The following CYP2A13 variants were observed in gnomAD, a reference collection of about 807,000 sequenced individuals.
The protein encoded by CYP2A13 is cytochrome P450 2A13.
Under a neutral mutation model 39.4 loss-of-function variants are expected in CYP2A13, and 30 were observed. That is an observed-to-expected ratio of 0.76 (90% CI 0.57 to 1.03). CYP2A13 has a LOEUF of 1.03. CYP2A13 is among the 50% of genes least tolerant of loss of function. The pLI, the probability that CYP2A13 is intolerant of heterozygous loss-of-function variation, is 0.00. For missense variants in CYP2A13, 731 were observed against 648.4 expected, an observed-to-expected ratio of 1.13 and a Z score of -1.38; for synonymous variants, 269 against 254.7, an observed-to-expected ratio of 1.06 and a Z score of -0.54.
intron 4 of CYP2A13, 151 bp downstream of exon 4, chr19:41,090,715 G>C: frequency 1.0e-5 from 13 of 1,266,608 alleles, no homozygotes; most frequent in Non-Finnish European, 1.4e-5. Context: ...GGTTGCACCA[G>C]AACCCAGGAG....
In CYP2A13 at chr19:41,090,155, A is replaced by T. The variant is rs1478640955; in HGVS notation, c.452A>T (p.Glu151Val). 2 of 1,596,072 alleles carry T rather than the reference A, an allele frequency of 1.3e-6. No individual in the cohort carries two copies. Among genetic ancestry groups the T allele is most frequent in the Admixed American group, 3.4e-5 (2 of 58,092 alleles). ...CGCGGCATCGAGGAACGCATCCAGG[A>T]GGAGGCGGGCTTCCTCATCGACGCC... ...GKRGIEERIQ[E>V]EAGFLIDALR... Residue 151 changes from glutamate to valine, a missense_variant, in exon 3 of 9, where the codon GAG becomes GTG. Transcript: ENST00000330436.
chr19:41,093,701 G>A lies in CYP2A13; in HGVS notation c.903G>A (p.Ala301=), dbSNP rs150813195. 30 of 1,613,928 alleles carry A rather than the reference G, an allele frequency of 1.9e-5. No homozygotes were observed. Among genetic ancestry groups the A allele is most frequent in the African/African-American group, 9.4e-5 (7 of 74,866 alleles). The change falls in exon 6 of 9, where the codon GCG becomes GCA. Residue 301 remains alanine (A), a synonymous_variant. Coordinates refer to ENST00000330436, the MANE Select transcript of CYP2A13 (RefSeq NM_000766.5). ...TGACCACCCTGAACCTCTTCTTTGC[G>A]GGCACTGAGACCGTGAGCACCACCC... The part of the protein sequence containing the change: ...LVMTTLNLFF[A]GTETVSTTLR...
chr19:41,093,579 G>A, intron 5 of CYP2A13, 51 bp from the exon 6 acceptor site: 2 of 1,610,816 alleles, frequency 1.2e-6, no homozygotes, highest in Non-Finnish European at 1.7e-6. Flanking sequence ...CCCTAGAAGG[G>A]CCCCAAGAGC....
intron 6 of CYP2A13, 104 bp from the exon 7 acceptor site, chr19:41,094,141 G>C: frequency 1.3e-6 from 2 of 1,508,956 alleles, no homozygotes; most frequent in Non-Finnish European, 1.8e-6. Context: ...GTCTACCTCC[G>C]TGTCATAGGT....
At chr19:41,089,439 T>G (rs2031119143) in intron 2 of CYP2A13, among the ~76,000 whole-genome samples, 1 of 152,118 alleles carries the variant, frequency 6.6e-6, no homozygotes, top group Admixed American at 6.5e-5. Flanking sequence ...GCTTCTGTGC[T>G]TCTCCGTGTT....
intron 2 of CYP2A13, 130 bp from the exon 3 acceptor site, chr19:41,089,917 C>A (rs2031142750): frequency 8.6e-7 from 1 of 1,166,890 alleles, no homozygotes; most frequent in Non-Finnish European, 1.2e-6. Flanking sequence ...CTCCTGGGCA[C>A]TCGCGCTGAA....
intron 6 of CYP2A13, 93 bp downstream of exon 6, chr19:41,093,864 A>C: frequency 6.9e-7 from 1 of 1,457,368 alleles, no homozygotes; most frequent in South Asian, 1.3e-5. Context: ...AGATCCCAGG[A>C]CCCTGAGACG....
chr19:41,089,087 C>T lies in CYP2A13; in HGVS notation c.339C>T (p.Gly113=), dbSNP rs2031108757. The T allele has an allele frequency of 6.2e-7, 1 of 1,612,152 alleles. No individual in the cohort carries two copies. The highest frequency in any genetic ancestry group is 1.7e-5 in the Admixed American group (1 of 59,978). ...EQATFDWLFK[G]YGVAFSNGER... ...CCACCTTCGACTGGCTCTTCAAAGGCTATGGTGAGGGGGTGCCCAAGAGGG... is the reference window on the plus strand; with the variant it reads ...CCACCTTCGACTGGCTCTTCAAAGGTTATGGTGAGGGGGTGCCCAAGAGGG... Residue 113 remains glycine (G), a synonymous_variant, in exon 2 of 9, where the codon GGC becomes GGT. Coordinates refer to ENST00000330436, the MANE Select transcript of CYP2A13 (RefSeq NM_000766.5).
In CYP2A13 at chr19:41,096,038, C is replaced by G; in HGVS notation, c.*97C>G. 2.0e-5 allele frequency: 24 copies of G among 1,176,234 alleles called. No homozygotes were observed. Among genetic ancestry groups the G allele is most frequent in the South Asian group, 6.2e-5 (4 of 65,016 alleles). 72.9% of individuals were successfully genotyped at this position (1,176,234 alleles called of 1,614,324 possible). A position where few individuals can be genotyped will look rare whatever the true frequency, so the allele number is the denominator to read the frequency against. ...GGAGGGGCGGGGCTAAGAATGGGGG[C>G]AGTGGGGGAAGGAAGGGGAGAGGTG... On this transcript the variant is annotated 3_prime_UTR_variant, in exon 9 of 9. Coordinates refer to ENST00000330436, the MANE Select transcript of CYP2A13 (RefSeq NM_000766.5).
Position 41,088,919 on chromosome 19 carries a change from C to G in CYP2A13, c.181-10C>G. On this transcript the variant is annotated splice_polypyrimidine_tract_variant and intron_variant, in intron 1 of 8. Coordinates refer to ENST00000330436, the MANE Select transcript of CYP2A13 (RefSeq NM_000766.5). ...TGCTCCCTCTAACCACTCCCACCTG[C>G]CTCCAACAGATCAGTGAGCGCTATG... The G allele has an allele frequency of 6.2e-7, 1 of 1,613,882 alleles. No homozygotes were observed. The highest frequency in any genetic ancestry group is 8.5e-7 in the Non-Finnish European group (1 of 1,179,890).
At position 41,095,964 on chromosome 19, in the gene CYP2A13, G is replaced by T. The variant is rs771718901; in HGVS notation, c.*23G>T. On this transcript the variant is annotated 3_prime_UTR_variant, in exon 9 of 9. Transcript: ENST00000330436. ...TGAGCGAGGGCTGTGCTGGTGCAGG[G>T]CTGGTGGGCGGGGCCAGGGAAACGG... The T allele has an allele frequency of 1.9e-5, 31 of 1,613,348 alleles. 1 individual carries two copies. The highest frequency in any genetic ancestry group is 5.0e-5 in the Admixed American group (3 of 59,928).
In CYP2A13 at chr19:41,094,392, T is replaced by A; in HGVS notation, c.1121T>A (p.Val374Asp). 1 of 1,613,808 alleles carries A rather than the reference T, an allele frequency of 6.2e-7. No individual in the cohort carries two copies. The highest frequency in any genetic ancestry group is 1.1e-5 in the South Asian group (1 of 91,054). Reference sequence around the variant, plus strand: ...CTCCCCATGGGTTTGGCCCACAGGGTCAACAAGGACACCAAGTTTCGGGAT... The same window carrying A: ...CTCCCCATGGGTTTGGCCCACAGGGACAACAAGGACACCAAGTTTCGGGAT... ...DMLPMGLAHR[V>D]NKDTKFRDFF... Residue 374 changes from valine (V) to aspartate (D), a missense_variant, in exon 7 of 9, where the codon GTC becomes GAC. By Grantham distance (152) the Val-to-Asp change is radical. Transcript: ENST00000330436.
rs776521255 is a variant in CYP2A13 at position 41,093,627 on chromosome 19, CAGG to C, written c.835_837del (p.Glu279del). 4.3e-6 allele frequency: 7 copies of C among 1,614,060 alleles called. No homozygotes were observed. In the Admixed American group the frequency reaches 1.0e-4, roughly 23 times the overall value. ...CTTGGTCTAAACCGCCCTCTCCCTG[CAGG>C]AGGAGAAGAACCCCAACACAGAGTT... On this transcript the variant is annotated splice_acceptor_variant and coding_sequence_variant, in exon 6 of 9. Transcript: ENST00000330436. LOFTEE classifies it high-confidence loss of function.
chr19:41,091,601 G>A, intron 4 of CYP2A13, 131 bp from the exon 5 acceptor site: 1 of 1,394,328 alleles, frequency 7.2e-7, no homozygotes, highest in South Asian at 1.5e-5. Context: ...CAACCCCACT[G>A]AAATACCTAA....
rs66497551 is a variant in CYP2A13, at chr19:41,095,892, G to C, written c.1436G>C (p.Gly479Ala). 21 of 1,613,802 alleles carry C rather than the reference G, an allele frequency of 1.3e-5. No individual in the cohort carries two copies. The highest frequency in any genetic ancestry group is 1.8e-5 in the Non-Finnish European group (21 of 1,179,914). ...KDIDVSPKHVGFATIPRNYTM... is the reference protein window; with the variant it reads ...KDIDVSPKHVAFATIPRNYTM... ...ATCGACGTGTCCCCCAAACACGTGGGCTTTGCCACGATCCCACGAAACTAC... is the reference window on the plus strand; with the variant it reads ...ATCGACGTGTCCCCCAAACACGTGGCCTTTGCCACGATCCCACGAAACTAC... The change falls in exon 9 of 9, where the codon GGC becomes GCC. Residue 479 changes from glycine (G) to alanine (A), a missense_variant. Coordinates refer to ENST00000330436, the MANE Select transcript of CYP2A13 (RefSeq NM_000766.5).
At chr19:41,093,381 C>G (rs1356171695) in intron 5 of CYP2A13, among the ~76,000 whole-genome samples, 1 of 151,068 alleles carries the variant, frequency 6.6e-6, no homozygotes, top group Non-Finnish European at 1.5e-5. Context: ...AAAAAAAAAA[C>G]CAACTGACAG....
Position 41,094,432 on chromosome 19 carries a change from G to T in CYP2A13, c.1161G>T (p.Lys387Asn). ...AGTTTCGGGATTTCTTCCTCCCTAA[G>T]GTGCTGTCTCCCCTCCACCACCACC... is the stretch of plus-strand genomic sequence containing the variant. Reference protein sequence around the residue: ...DTKFRDFFLPKGTEVFPMLGS... With the variant: ...DTKFRDFFLPNGTEVFPMLGS... Residue 387 changes from lysine to asparagine, a missense_variant and splice_region_variant, in exon 7 of 9, where the codon AAG becomes AAT. Transcript: ENST00000330436. 1 of 1,613,972 alleles carries T rather than the reference G, an allele frequency of 6.2e-7. No homozygotes were observed. Among genetic ancestry groups the T allele is most frequent in the Non-Finnish European group, 8.5e-7 (1 of 1,179,978 alleles).
chr19:41,091,599 C>T, intron 4 of CYP2A13, 133 bp from the exon 5 acceptor site: 5 of 1,383,062 alleles, frequency 3.6e-6, no homozygotes, highest in Non-Finnish European at 1.9e-6. Context: ...TCCAACCCCA[C>T]TGAAATACCT....
intron 5 of CYP2A13, 142 bp downstream of exon 5, chr19:41,092,050 C>T: frequency 2.3e-6 from 3 of 1,321,922 alleles, no homozygotes; most frequent in Non-Finnish European, 1.0e-6. Flanking sequence ...CGCGGTGGCT[C>T]ATGACCTGTA....
Sources: allele counts gnomAD v4.1 joint callset (sites outside exome capture counted in the v4.1 genomes callset), GRCh38; gene constraint gnomAD v4.1.1; transcripts MANE v1.5; gene names NCBI Gene and HGNC (gene_info 2026-07-23, HGNC 2026-07-21).